GAK: variants seen among roughly 807,000 people sequenced by gnomAD.
GAK encodes the protein cyclin-G-associated kinase.
In GAK, 79 loss-of-function variants were observed where a neutral mutation model predicts 143.9. The observed-to-expected ratio is 0.55, with a 90% CI of 0.46 to 0.66. The LOEUF (loss-of-function observed/expected upper bound fraction) is 0.66. Among genes scored for constraint, GAK ranks in the 30% least tolerant of loss-of-function variants. The pLI is 0.00. For missense variants in GAK, 1,693 were observed against 1,779.7 expected (o/e 0.95, Z 0.88); for synonymous variants, 881 against 765.5 (o/e 1.15, Z -2.49).
chr4:928,698 C>G (rs868701099), intron 1 of GAK, among the ~76,000 whole-genome samples: 13 of 152,200 alleles, frequency 8.5e-5, no homozygotes, highest in African/African-American at 3.1e-4. Flanking sequence ...CCACATGATT[C>G]TGCAACTGTC....
intron 22 of GAK, 28 bp from the exon 23 acceptor site, chr4:865,272 C>G (rs752666350): frequency 6.2e-7 from 1 of 1,609,950 alleles, no homozygotes; most frequent in Non-Finnish European, 8.5e-7. Flanking sequence ...GAAGAGAGCA[C>G]AGTTTGGTGT....
intron 21 of GAK, 69 bp downstream of exon 21, chr4:866,887 A>C: frequency 1.7e-6 from 2 of 1,171,298 alleles, no homozygotes; most frequent in Non-Finnish European, 2.4e-6. Flanking sequence ...ACGCCCATGC[A>C]GTGAGAATGA....
At chr4:899,731 C>T (rs1345253292) in intron 5 of GAK, among the ~76,000 whole-genome samples, 9 of 152,226 alleles carry the variant, frequency 5.9e-5, no homozygotes, top group African/African-American at 1.7e-4. Context: ...TAGATGCAGA[C>T]GCTCTCCAAC....
Position 876,703 on chromosome 4 carries a change from C to T in GAK, c.1975-94G>A, listed in dbSNP as rs553713508. 281 of 1,092,838 alleles carry T rather than the reference C, an allele frequency of 2.6e-4. No homozygotes were observed. In the African/African-American group the frequency reaches 3.1e-3, roughly 12 times the overall value. 67.7% of individuals were successfully genotyped at this position (1,092,838 alleles called of 1,614,324 possible). A position where few individuals can be genotyped will look rare whatever the true frequency, so the allele number is the denominator to read the frequency against. On this transcript the variant is annotated intron_variant, in intron 17 of 27. Transcript: ENST00000314167. ...TTTCCCAATGGGCGAGATCTGAGAG[C>T]GGCTCATGGTGCTGGAGGCATGGAC...
chr4:879,126 G>A (rs972244615), intron 15 of GAK, among the ~76,000 whole-genome samples: 6 of 152,222 alleles, frequency 3.9e-5, no homozygotes, highest in Non-Finnish European at 8.8e-5. Context: ...GGGAGACCAC[G>A]AGAGAATGGA....
In GAK at chr4:849,369, G is replaced by C; in HGVS notation, c.*304C>G. On this transcript the variant is annotated 3_prime_UTR_variant, in exon 28 of 28. Coordinates refer to ENST00000314167, the MANE Select transcript of GAK (RefSeq NM_005255.4). ...CAGGGCCCATGAGCGCCAGCAGCGT[G>C]GCCCACCACGTGCCGGGGCTCCAGA... The C allele has an allele frequency of 2.2e-6, 1 of 456,332 alleles. No individual in the cohort carries two copies. The highest frequency in any genetic ancestry group is 4.0e-6 in the Non-Finnish European group (1 of 247,368). 28.3% of individuals were successfully genotyped at this position (456,332 alleles called of 1,614,324 possible). A position where few individuals can be genotyped will look rare whatever the true frequency, so the allele number is the denominator to read the frequency against.
chr4:878,265 T>C (rs2152800272), intron 15 of GAK, among the ~76,000 whole-genome samples: 1 of 152,302 alleles, frequency 6.6e-6, no homozygotes, highest in East Asian at 1.9e-4. Context: ...GGTGTGCACC[T>C]GTAATCCCAG....
At chr4:859,817 C>T (rs563912041) in intron 23 of GAK, 95 bp from the exon 24 acceptor site, 277 of 865,052 alleles carry the variant, frequency 3.2e-4, no homozygotes, top group Non-Finnish European at 4.3e-4. Flanking sequence ...GACATGACAG[C>T]CTCACTCCTG....
At chr4:918,699 C>A (rs1351874826) in intron 1 of GAK, among the ~76,000 whole-genome samples, 1 of 152,232 alleles carries the variant, frequency 6.6e-6, no homozygotes, top group Non-Finnish European at 1.5e-5. Context: ...AAAGGAGGAA[C>A]TAAAACTCCT....
chr4:912,632 C>A, intron 3 of GAK, 103 bp downstream of exon 3: 1 of 855,008 alleles, frequency 1.2e-6, no homozygotes, highest in Non-Finnish European at 1.8e-6. Context: ...ACATGAAAGA[C>A]AACGTCACGG....
chr4:931,928 G>C, intron 1 of GAK, 115 bp downstream of exon 1: 1 of 785,164 alleles, frequency 1.3e-6, no homozygotes, highest in Non-Finnish European at 2.1e-6. Flanking sequence ...CCACGATCCC[G>C]CTGGGACCCT....
At chr4:866,568 C>A in intron 21 of GAK, 34 bp from the exon 22 acceptor site, 1 of 1,601,748 alleles carries the variant, frequency 6.2e-7, no homozygotes, top group Non-Finnish European at 8.5e-7. Flanking sequence ...GAGGACTCAG[C>A]CCGGCTGCCT....
At chr4:877,470 C>T in intron 16 of GAK, 145 bp downstream of exon 16, 1 of 848,772 alleles carries the variant, frequency 1.2e-6, no homozygotes, top group South Asian at 1.8e-5. Context: ...GACCAGGATC[C>T]CAAGTGACCT....
chr4:858,860 G>A (rs1021780158), intron 24 of GAK, among the ~76,000 whole-genome samples: 4 of 152,226 alleles, frequency 2.6e-5, no homozygotes, highest in Admixed American at 1.3e-4. Context: ...CCGGAGCTGA[G>A]CAGGAGCAGA....
intron 24 of GAK, among the ~76,000 whole-genome samples, chr4:856,720 C>T (rs1236591199): frequency 6.6e-6 from 1 of 151,050 alleles, no homozygotes; most frequent in Non-Finnish European, 1.5e-5. Context: ...ACCACCACAG[C>T]TGCTCACCAC....
intron 1 of GAK, among the ~76,000 whole-genome samples, chr4:923,013 C>T (rs371779257): frequency 1.1e-4 from 16 of 152,146 alleles, no homozygotes; most frequent in East Asian, 9.6e-4. Context: ...CTGCACTTCC[C>T]CTTACACTGC....
intron 11 of GAK, 110 bp downstream of exon 11, chr4:888,737 C>G (rs558795384): frequency 1.5e-6 from 2 of 1,377,382 alleles, no homozygotes; most frequent in African/African-American, 1.5e-5. Context: ...CTCAGGGGCC[C>G]CTGTGGGGCC....
intron 21 of GAK, 151 bp from the exon 22 acceptor site, chr4:866,685 C>G (rs1339647430): frequency 1.2e-6 from 1 of 835,904 alleles, no homozygotes; most frequent in Non-Finnish European, 1.8e-6. Flanking sequence ...GGCAGTCAGC[C>G]CAGGGGCTCC....
chr4:851,862 G>C lies in GAK; in HGVS notation c.3396C>G (p.Pro1132=), dbSNP rs771820165. ...SRPPAQGASW[P]PQAKPPPKAC... ...CTTTGGGGGGCGGCTTGGCCTGAGG[G>C]GGCCATGAGGCGCCCTGGGCTGGCG... is the stretch of plus-strand genomic sequence containing the variant. Residue 1132 remains proline (P), a synonymous_variant, in exon 25 of 28, where the codon CCC becomes CCG. Coordinates refer to ENST00000314167, the MANE Select transcript of GAK (RefSeq NM_005255.4). The C allele has an allele frequency of 1.2e-6, 2 of 1,608,836 alleles. No individual in the cohort carries two copies. The highest frequency in any genetic ancestry group is 1.7e-6 in the Non-Finnish European group (2 of 1,176,862).
Sources: gnomAD v4.1 joint callset for allele counts (sites outside exome capture counted in the v4.1 genomes callset) on GRCh38, gnomAD v4.1.1 for gene constraint, MANE v1.5 for transcripts, NCBI Gene and HGNC (gene_info 2026-07-23, HGNC 2026-07-21) for gene names.